The following DNAH5 variants were observed in gnomAD, a reference collection of about 807,000 sequenced individuals.
DNAH5 encodes axonemal beta dynein heavy chain 5.
In DNAH5, 372 loss-of-function variants were observed where a neutral mutation model predicts 518.2. That is an observed-to-expected ratio of 0.72 (90% CI 0.66 to 0.78). DNAH5 has a LOEUF of 0.78. Among genes scored for constraint, DNAH5 ranks in the 30% least tolerant of loss-of-function variants. DNAH5 has a pLI of 0.00. For missense variants in DNAH5, 5,523 were observed against 5,687.0 expected (o/e 0.97, Z 0.93); for synonymous variants, 2,039 against 2,025.9 (o/e 1.01, Z -0.17).
Position 13,925,737 on chromosome 5 carries a change from G to A in DNAH5, c.278-2297C>T, listed in dbSNP as rs113720033. 1.0e-3 allele frequency among the ~76,000 whole-genome samples: 153 copies of A among 152,278 alleles called. 1 individual carries two copies. The highest frequency in any genetic ancestry group is 3.4e-3 in the African/African-American group (143 of 41,552). On this transcript the variant is annotated intron_variant, in intron 3 of 78. Transcript: ENST00000265104. ...TCCTACCAAGACACGTGATAATTGT[G>A]GGAGTTACAATTCAAGATGAGATTT...
intron 1 of DNAH5, among the ~76,000 whole-genome samples, chr5:13,977,705 T>C (rs1782367883): frequency 6.6e-6 from 1 of 152,004 alleles, no homozygotes; most frequent in South Asian, 2.1e-4. Flanking sequence ...GCATCCTGGG[T>C]CCCAGCCCAG....
intron 31 of DNAH5, among the ~76,000 whole-genome samples, chr5:13,845,276 G>T (rs541960930): frequency 6.6e-6 from 1 of 151,854 alleles, no homozygotes; most frequent in East Asian, 1.9e-4. Flanking sequence ...GGAAAATCTT[G>T]TATATACTAG....
At chr5:13,785,066 A>G (rs1561252330) in intron 52 of DNAH5, among the ~76,000 whole-genome samples, 1 of 152,104 alleles carries the variant, frequency 6.6e-6, no homozygotes. Context: ...ACATTGTAAT[A>G]TACTATGAAA....
At chr5:13,937,310 T>C (rs1252516789) in intron 1 of DNAH5, among the ~76,000 whole-genome samples, 1 of 150,312 alleles carries the variant, frequency 6.7e-6, no homozygotes, top group Non-Finnish European at 1.5e-5. Flanking sequence ...CGAGGAGTTG[T>C]AGATGGAGAC....
At chr5:13,851,131 G>T (rs917526438) in intron 30 of DNAH5, among the ~76,000 whole-genome samples, 2 of 151,944 alleles carry the variant, frequency 1.3e-5, no homozygotes, top group Admixed American at 1.3e-4. Context: ...CTTTTCACAG[G>T]TTATCTCTAA....
intron 1 of DNAH5, among the ~76,000 whole-genome samples, chr5:13,966,072 G>C (rs1236206262): frequency 6.6e-6 from 1 of 151,194 alleles, no homozygotes; most frequent in African/African-American, 2.4e-5. Context: ...TTATAAGTGA[G>C]AACATACGAT....
At chr5:13,736,550 A>G (rs1747473276) in intron 66 of DNAH5, among the ~76,000 whole-genome samples, 1 of 151,576 alleles carries the variant, frequency 6.6e-6, no homozygotes, top group African/African-American at 2.4e-5. Context: ...GCCCACCACC[A>G]TGCCTGGCTA....
chr5:13,781,657 C>T (rs972263539), intron 52 of DNAH5, among the ~76,000 whole-genome samples: 1 of 151,998 alleles, frequency 6.6e-6, no homozygotes, highest in African/African-American at 2.4e-5. Context: ...TGTCTTGCCG[C>T]CGCCATGTAA....
At chr5:13,878,688 G>A (rs1771233840) in intron 21 of DNAH5, among the ~76,000 whole-genome samples, 1 of 152,174 alleles carries the variant, frequency 6.6e-6, no homozygotes, top group Non-Finnish European at 1.5e-5. Context: ...GGGAGTCAGT[G>A]GGTCTTTGCA....
At chr5:13,727,166 G>A (rs1579932238) in intron 70 of DNAH5, among the ~76,000 whole-genome samples, 1 of 152,140 alleles carries the variant, frequency 6.6e-6, no homozygotes, top group Admixed American at 6.5e-5. Context: ...CCAGCAAAAT[G>A]GAGCAGCCAT....
intron 16 of DNAH5, among the ~76,000 whole-genome samples, chr5:13,893,269 A>G (rs936919933): frequency 2.0e-5 from 3 of 152,180 alleles, no homozygotes; most frequent in African/African-American, 7.2e-5. Flanking sequence ...GAGAGAGAAT[A>G]AAAGGAGGCA....
intron 38 of DNAH5, among the ~76,000 whole-genome samples, chr5:13,825,162 T>C (rs977270811): frequency 1.3e-5 from 2 of 151,936 alleles, no homozygotes; most frequent in African/African-American, 2.4e-5. Flanking sequence ...GCCAACATGA[T>C]GAAACCCCAT....
At position 13,809,982 on chromosome 5, in the gene DNAH5, T is replaced by C. The variant is rs147519526; in HGVS notation, c.7609+77A>G. 0.013 allele frequency: 18,142 copies of C among 1,350,496 alleles called. 165 individuals are homozygous for C. The highest frequency in any genetic ancestry group is 0.016 in the Non-Finnish European group (15,420 of 966,206). The allele number at this position is 1,350,496 out of a possible 1,614,324, so 83.7% of individuals were successfully genotyped here. A position where few individuals can be genotyped will look rare whatever the true frequency, so the allele number is the denominator to read the frequency against. ...AATTATAAATCTCATTTAGAAAAAATATATATGGTGTAAATATTGGCCATG... is the reference window on the plus strand; with the variant it reads ...AATTATAAATCTCATTTAGAAAAAACATATATGGTGTAAATATTGGCCATG... On this transcript the variant is annotated intron_variant, in intron 45 of 78. Coordinates refer to ENST00000265104, the MANE Select transcript of DNAH5 (RefSeq NM_001369.3).
At chr5:13,783,517 A>G (rs1755508129) in intron 52 of DNAH5, among the ~76,000 whole-genome samples, 1 of 152,108 alleles carries the variant, frequency 6.6e-6, no homozygotes, top group Non-Finnish European at 1.5e-5. Flanking sequence ...CAGGATCATG[A>G]TTTGTTTACC....
At chr5:13,918,975 G>A (rs964448357) in intron 7 of DNAH5, among the ~76,000 whole-genome samples, 1 of 151,964 alleles carries the variant, frequency 6.6e-6, no homozygotes, top group South Asian at 2.1e-4. Flanking sequence ...ATACATACAC[G>A]TACACCAGCT....
At chr5:13,790,852 A>C (rs1006930723) in intron 50 of DNAH5, among the ~76,000 whole-genome samples, 39 of 152,290 alleles carry the variant, frequency 2.6e-4, no homozygotes, top group African/African-American at 9.4e-4. Context: ...CTCACTTATA[A>C]GTGGGAGCTA....
chr5:13,713,438 T>TATATATATATATATATATATACATCGAC (rs2126486163), intron 75 of DNAH5, among the ~76,000 whole-genome samples: 2 of 87,182 alleles, frequency 2.3e-5, no homozygotes, highest in African/African-American at 1.0e-4. Context: ...CATCGACATA[T>TATATATATATATATATATATACATCGAC]ATATATATAT....
chr5:13,753,739 T>G (rs1186938738), intron 62 of DNAH5, among the ~76,000 whole-genome samples, 190 bp from the exon 63 acceptor site: 1 of 152,192 alleles, frequency 6.6e-6, no homozygotes, highest in Non-Finnish European at 1.5e-5. Context: ...AAGGTCCAAG[T>G]GGCCTACCAA....
intron 77 of DNAH5, 128 bp from the exon 78 acceptor site, chr5:13,700,999 T>A: frequency 9.5e-7 from 1 of 1,049,298 alleles, no homozygotes; most frequent in Non-Finnish European, 1.4e-6. Context: ...TTTAAAGAAT[T>A]AGCAAGATTC....
Sources: gnomAD v4.1 joint callset for allele counts (sites outside exome capture counted in the v4.1 genomes callset) on GRCh38, gnomAD v4.1.1 for gene constraint, MANE v1.5 for transcripts, NCBI Gene and HGNC (gene_info 2026-07-23, HGNC 2026-07-21) for gene names.